Variants in RHCG observed in about 807,000 individuals in gnomAD.
The protein encoded by RHCG is ammonium transporter Rh type C.
A neutral mutation model predicts 55.3 loss-of-function variants in RHCG; 39 were observed. That is an observed-to-expected ratio of 0.70 (90% CI 0.55 to 0.92). RHCG has a LOEUF of 0.92. Ranked by LOEUF, RHCG falls within the 40% of genes least tolerant of loss-of-function variation. RHCG has a pLI of 0.00. For synonymous variants in RHCG, 250 were observed against 246.8 expected (o/e 1.01, Z -0.12); for missense variants, 635 against 627.9 (o/e 1.01, Z -0.12).
At position 89,496,361 on chromosome 15, in the gene RHCG, T is replaced by A; in HGVS notation, c.184A>T (p.Ser62Cys). 6.2e-7 allele frequency: 1 copy of A among 1,613,780 alleles called. No homozygotes were observed. The highest frequency in any genetic ancestry group is 8.5e-7 in the Non-Finnish European group (1 of 1,179,882). ...TGGGCCTGCAGGCGGCGAGACTTAC[T>A]TGGGTAGCGATAGTAGAATTCGTTC... ...MENEFYYRYPSFQDVHVMVFV... is the reference protein window; with the variant it reads ...MENEFYYRYPCFQDVHVMVFV... Residue 62 changes from serine to cysteine, a missense_variant and splice_region_variant, in exon 1 of 11, where the codon AGC (serine) becomes TGC (cysteine). Coordinates refer to ENST00000268122, the MANE Select transcript of RHCG (RefSeq NM_016321.3).
chr15:89,473,429 G>A (rs1005959569), intron 9 of RHCG, among the ~76,000 whole-genome samples: 4 of 152,238 alleles, frequency 2.6e-5, no homozygotes, highest in Admixed American at 6.5e-5. Context: ...CCTCTGAGAA[G>A]CCACCTCACT....
chr15:89,490,445 G>C (rs960700655), intron 1 of RHCG, among the ~76,000 whole-genome samples: 1 of 152,226 alleles, frequency 6.6e-6, no homozygotes, highest in African/African-American at 2.4e-5. Context: ...ATACACCTCA[G>C]CTTAGGTTTC....
intron 9 of RHCG, among the ~76,000 whole-genome samples, 161 bp from the exon 10 acceptor site, chr15:89,473,024 G>A (rs559417413): frequency 9.2e-5 from 14 of 152,194 alleles, no homozygotes; most frequent in Non-Finnish European, 1.6e-4. Context: ...TTCAACACAG[G>A]AGTCCTGCCC....
intron 2 of RHCG, among the ~76,000 whole-genome samples, chr15:89,485,155 G>A (rs1256468085): frequency 6.6e-6 from 1 of 152,138 alleles, no homozygotes; most frequent in Non-Finnish European, 1.5e-5. Flanking sequence ...TTCACCAAAA[G>A]CCTGTTAACT....
intron 2 of RHCG, chr15:89,486,425 T>G (rs373404677): frequency 9.4e-5 from 43 of 458,754 alleles, no homozygotes; most frequent in African/African-American, 7.8e-4. Context: ...GGTCGGACCC[T>G]GCCCCCAGAG....
intron 1 of RHCG, among the ~76,000 whole-genome samples, chr15:89,490,573 T>G (rs1385833055): frequency 6.6e-6 from 1 of 152,206 alleles, no homozygotes; most frequent in African/African-American, 2.4e-5. Flanking sequence ...TTATGGTTAT[T>G]CTGGGAAGAA....
intron 2 of RHCG, among the ~76,000 whole-genome samples, chr15:89,483,635 C>A (rs915108274): frequency 3.9e-5 from 6 of 152,156 alleles, no homozygotes; most frequent in Non-Finnish European, 5.9e-5. Flanking sequence ...CAACCAGATG[C>A]AGTTTCTGCC....
rs1021840838 is a variant in RHCG, at chr15:89,472,793, G to A, written c.1382C>T (p.Pro461Leu). The change falls in exon 10 of 11, where the codon CCC (proline) becomes CTC (leucine). Residue 461 changes from proline (P) to leucine (L), a missense_variant. Physicochemically the swap from Pro to Leu is moderately conservative, Grantham distance 98. Coordinates refer to ENST00000268122, the MANE Select transcript of RHCG (RefSeq NM_016321.3). ...PTFKPSGPSV[P>L]SVPMVSPLPM... The stretch of plus-strand genomic sequence containing the variant: ...TAGTGGGGACACCATGGGTACTGAG[G>A]GTACTGAGGGTCCTGAGGGCTTGAA... The A allele has an allele frequency of 1.3e-6, 2 of 1,565,982 alleles. No homozygotes were observed. Among genetic ancestry groups the A allele is most frequent in the Non-Finnish European group, 1.7e-6 (2 of 1,154,944 alleles).
chr15:89,482,946 G>T, intron 3 of RHCG, 121 bp downstream of exon 3: 1 of 974,262 alleles, frequency 1.0e-6, no homozygotes, highest in Non-Finnish European at 1.4e-6. Context: ...AAAACTGAGT[G>T]ACGTTCAGGA....
Position 89,486,823 on chromosome 15 carries a change from C to T in RHCG, c.347G>A (p.Arg116His). Residue 116 changes from arginine (R) to histidine (H), a missense_variant, in exon 2 of 11, where the codon CGC becomes CAC. Transcript: ENST00000268122. ...MQGWFHFLQDRYIVVGVENLI... is the reference protein window; with the variant it reads ...MQGWFHFLQDHYIVVGVENLI... Reference sequence around the variant, plus strand: ...CTTCTCCACGCCCACGACGATGTAGCGGTCTTGTAAGAAGTGGAACCAGCC... The same window carrying T: ...CTTCTCCACGCCCACGACGATGTAGTGGTCTTGTAAGAAGTGGAACCAGCC... The T allele has an allele frequency of 1.9e-6, 3 of 1,597,298 alleles. No homozygotes were observed. Among genetic ancestry groups the T allele is most frequent in the Non-Finnish European group, 2.6e-6 (3 of 1,167,690 alleles).
intron 9 of RHCG, among the ~76,000 whole-genome samples, chr15:89,473,987 TAA>T (rs1296675217): frequency 6.6e-6 from 1 of 152,260 alleles, no homozygotes; most frequent in Non-Finnish European, 1.5e-5. Flanking sequence ...TAAAATAGTT[TAA>T]GTTCTGACTT....
chr15:89,491,817 G>T (rs1961481389), intron 1 of RHCG, among the ~76,000 whole-genome samples: 1 of 151,774 alleles, frequency 6.6e-6, no homozygotes, highest in Non-Finnish European at 1.5e-5. Flanking sequence ...ACGATTTGAG[G>T]GTCCAAACCG....
Position 89,486,930 on chromosome 15 carries a change from G to A in RHCG, c.240C>T (p.Phe80=), listed in dbSNP as rs763975162. Residue 80 remains phenylalanine, a synonymous_variant, in exon 2 of 11, where the codon TTC becomes TTT. Coordinates refer to ENST00000268122, the MANE Select transcript of RHCG (RefSeq NM_016321.3). ...CGGCGCTGAAGCCGTAGCGCTGCAG[G>A]AAAGTCATGAGGAAGCCGAAGCCCA... ...VFVGFGFLMT[F]LQRYGFSAVG... is the part of the protein sequence containing the mutation. The A allele has an allele frequency of 6.2e-7, 1 of 1,612,180 alleles. No homozygotes were observed. The highest frequency in any genetic ancestry group is 2.2e-5 in the East Asian group (1 of 44,800).
At chr15:89,486,431 C>A in intron 2 of RHCG, 1 of 459,586 alleles carries the variant, frequency 2.2e-6, no homozygotes, top group Admixed American at 2.3e-5. Flanking sequence ...ACCCTGCCCC[C>A]AGAGGAAAGT....
intron 9 of RHCG, 71 bp from the exon 10 acceptor site, chr15:89,472,934 C>T (rs1357107452): frequency 7.2e-7 from 1 of 1,382,730 alleles, no homozygotes; most frequent in South Asian, 1.7e-5. Flanking sequence ...TGACTAGAAC[C>T]TGGAGCTGCA....
At chr15:89,480,216 C>A (rs202057397) in intron 4 of RHCG, 45 bp downstream of exon 4, 9 of 1,612,082 alleles carry the variant, frequency 5.6e-6, no homozygotes, top group Admixed American at 3.3e-5. Context: ...ATCATGGCCA[C>A]CTTCACCCAT....
chr15:89,487,122 C>T (rs940578151), intron 1 of RHCG, 137 bp from the exon 2 acceptor site: 4 of 759,230 alleles, frequency 5.3e-6, no homozygotes, highest in African/African-American at 3.6e-5. Context: ...CATCCTAACC[C>T]GGTTCCCCCA....
intron 1 of RHCG, among the ~76,000 whole-genome samples, chr15:89,489,420 G>A (rs570559570): frequency 1.2e-4 from 18 of 152,218 alleles, no homozygotes; most frequent in African/African-American, 4.3e-4. Flanking sequence ...CACTGCACCT[G>A]GCCAGAGTGT....
At chr15:89,494,572 C>G (rs1279606794) in intron 1 of RHCG, among the ~76,000 whole-genome samples, 1 of 151,712 alleles carries the variant, frequency 6.6e-6, no homozygotes, top group East Asian at 1.9e-4. Context: ...AGGACTGTAC[C>G]TCCCCACTGG....
Sources: allele counts gnomAD v4.1 joint callset (sites outside exome capture counted in the v4.1 genomes callset), GRCh38; gene constraint gnomAD v4.1.1; transcripts MANE v1.5; gene names NCBI Gene and HGNC (gene_info 2026-07-23, HGNC 2026-07-21).